CCL26: variants seen among roughly 807,000 people sequenced by gnomAD.
CCL26 encodes C-C motif chemokine ligand 26.
In CCL26, 10 loss-of-function variants were observed where a neutral mutation model predicts 10.7. That is an observed-to-expected ratio of 0.93 (90% confidence interval 0.57 to 1.58). The LOEUF (loss-of-function observed/expected upper bound fraction) is 1.58, where lower values mean the gene tolerates loss of function less well. Among genes scored for constraint, CCL26 ranks in the 40% most tolerant of loss-of-function variants. CCL26 has a pLI of 0.00. For missense variants in CCL26, 116 were observed against 111.0 expected (o/e 1.05, Z -0.20); for synonymous variants, 43 against 41.4 (o/e 1.04, Z -0.15).
chr7:75,783,414 C>A (rs1803109521), intron 1 of CCL26, among the ~76,000 whole-genome samples: 6 of 152,114 alleles, frequency 3.9e-5, no homozygotes, highest in Admixed American at 3.9e-4. Flanking sequence ...CAGGCTGATT[C>A]CCCAGGTATA....
chr7:75,787,751 T>C (rs1554530187), intron 1 of CCL26, among the ~76,000 whole-genome samples: 1 of 138,802 alleles, frequency 7.2e-6, no homozygotes, highest in African/African-American at 2.7e-5. Context: ...GCCCAAAAAC[T>C]CACCAACCAA....
intron 1 of CCL26, among the ~76,000 whole-genome samples, chr7:75,777,809 C>A: frequency 7.2e-6 from 1 of 138,992 alleles, no homozygotes; most frequent in African/African-American, 2.7e-5. Flanking sequence ...CCAAACCAAA[C>A]AAGCAAAACT....
At chr7:75,785,583 A>G (rs192193019) in intron 1 of CCL26, among the ~76,000 whole-genome samples, 60 of 152,186 alleles carry the variant, frequency 3.9e-4, no homozygotes, top group Non-Finnish European at 6.0e-4. Context: ...GATCTCTCAA[A>G]CCCCAACACC....
At chr7:75,786,200 T>C (rs1171261374) in intron 1 of CCL26, among the ~76,000 whole-genome samples, 1 of 152,194 alleles carries the variant, frequency 6.6e-6, no homozygotes, top group African/African-American at 2.4e-5. Flanking sequence ...CCCATGACTG[T>C]ATCTCTCTGA....
intron 1 of CCL26, among the ~76,000 whole-genome samples, chr7:75,777,310 A>G (rs1247234842): frequency 2.0e-5 from 3 of 152,200 alleles, no homozygotes; most frequent in Non-Finnish European, 4.4e-5. Context: ...ATTATTTATA[A>G]TAGCTCCAAA....
chr7:75,784,117 T>A (rs966164370), intron 1 of CCL26, among the ~76,000 whole-genome samples: 1 of 152,020 alleles, frequency 6.6e-6, no homozygotes, highest in Non-Finnish European at 1.5e-5. Context: ...CCCAGCCACA[T>A]CTCCATCACA....
upstream of CCL26, among the ~76,000 whole-genome samples, chr7:75,776,065 A>G (rs1268203491): frequency 1.2e-5 from 1 of 82,888 alleles, no homozygotes; most frequent in Non-Finnish European, 2.4e-5. Context: ...ATTAGTTCAC[A>G]CTCTTTTTTT....
upstream of CCL26, among the ~76,000 whole-genome samples, chr7:75,776,581 GAAGA>G (rs1563336842): frequency 1.7e-5 from 2 of 115,654 alleles, no homozygotes; most frequent in East Asian, 2.7e-4. Flanking sequence ...AGGAAGGAAG[GAAGA>G]AGGAAAGCAA....
chr7:75,771,081 C>G (rs1207715102), intron 2 of CCL26, among the ~76,000 whole-genome samples: 4 of 151,454 alleles, frequency 2.6e-5, no homozygotes, highest in African/African-American at 9.7e-5. Flanking sequence ...CTGTAATTCA[C>G]TCTTTTTTTT....
At chr7:75,783,343 C>T (rs926337922) in intron 1 of CCL26, among the ~76,000 whole-genome samples, 8 of 152,122 alleles carry the variant, frequency 5.3e-5, no homozygotes, top group African/African-American at 1.7e-4. Context: ...GCCGGCTTCA[C>T]GAGCCAGACC....
chr7:75,777,956 G>T (rs1802978894), intron 1 of CCL26, among the ~76,000 whole-genome samples: 1 of 151,740 alleles, frequency 6.6e-6, no homozygotes, highest in African/African-American at 2.4e-5. Flanking sequence ...CTGGCCTCAG[G>T]TGATTCACCC....
upstream of CCL26, among the ~76,000 whole-genome samples, chr7:75,772,448 G>A (rs1554528272): frequency 6.6e-6 from 1 of 152,144 alleles, no homozygotes; most frequent in Non-Finnish European, 1.5e-5. Context: ...CTTGAGGTCA[G>A]GAGTTCAAGA....
In CCL26 at chr7:75,772,059, C is replaced by T. The variant is rs561973659; in HGVS notation, c.73+45G>A. 1.1e-4 allele frequency: 184 copies of T among 1,603,662 alleles called. 1 individual carries two copies. Among genetic ancestry groups the T allele is most frequent in the South Asian group, 6.6e-4 (60 of 90,720 alleles). On this transcript the variant is annotated intron_variant, in intron 1 of 2. Coordinates refer to ENST00000005180, the MANE Select transcript of CCL26 (RefSeq NM_001371938.1). ...ATACTCATTTCCATCCACTCCCAGG[C>T]GGTCCGGGAAGGAACCCCAGGAGGG...
intron 1 of CCL26, among the ~76,000 whole-genome samples, chr7:75,778,678 A>G (rs1485945289): frequency 2.0e-5 from 3 of 149,690 alleles, no homozygotes; most frequent in South Asian, 2.1e-4. Context: ...CCAGGCTGGA[A>G]TGCAGTGGCT....
At chr7:75,773,442 G>A (rs1802873076), upstream of CCL26, among the ~76,000 whole-genome samples, 2 of 151,658 alleles carry the variant, frequency 1.3e-5, no homozygotes, top group Non-Finnish European at 2.9e-5. Context: ...AAAAAATAGA[G>A]ATGAGGTCTC....
At chr7:75,772,668 A>C (rs2018179), upstream of CCL26, among the ~76,000 whole-genome samples, 44,193 of 149,624 alleles carry the variant, frequency 0.3, 7,266 homozygotes, top group African/African-American at 0.44. Context: ...AAAAAAAAAA[A>C]CAAACAAACA....
chr7:75,770,077 T>C (rs1241936341), intron 2 of CCL26, among the ~76,000 whole-genome samples: 1 of 151,944 alleles, frequency 6.6e-6, no homozygotes, highest in African/African-American at 2.4e-5. Context: ...TAATTTTTTT[T>C]TTTTTTTTTT....
chr7:75,785,779 C>T (rs1476509299), intron 1 of CCL26, among the ~76,000 whole-genome samples: 4 of 152,156 alleles, frequency 2.6e-5, no homozygotes, highest in Non-Finnish European at 4.4e-5. Context: ...TTAGAGACTG[C>T]CCCCACTCTA....
intron 2 of CCL26, among the ~76,000 whole-genome samples, chr7:75,771,022 T>C (rs1802809555): frequency 6.6e-6 from 1 of 152,064 alleles, no homozygotes; most frequent in African/African-American, 2.4e-5. Context: ...TCAGGGGAAA[T>C]TGTATGCCAA....
Sources: allele counts gnomAD v4.1 joint callset (sites outside exome capture counted in the v4.1 genomes callset), GRCh38; gene constraint gnomAD v4.1.1; transcripts MANE v1.5; gene names NCBI Gene and HGNC (gene_info 2026-07-23, HGNC 2026-07-21).